MGAT4C: variants seen among roughly 807,000 people sequenced by gnomAD.
MGAT4C encodes MGAT4 family member C, also known as alpha-1,3-mannosyl-glycoprotein 4-beta-N-acetylglucosaminyltransferase C.
In MGAT4C, 19 loss-of-function variants were observed where a neutral mutation model predicts 40.1. The ratio of observed to expected loss-of-function variants is 0.47; its 90% CI spans 0.33 to 0.70. MGAT4C has a LOEUF of 0.70. Ranked by LOEUF, MGAT4C falls within the 30% of genes least tolerant of loss-of-function variation. MGAT4C has a pLI of 0.02. For missense variants in MGAT4C, 491 were observed against 563.2 expected (o/e 0.87, Z 1.30); for synonymous variants, 181 against 187.1 (o/e 0.97, Z 0.27).
At chr12:86,347,348 T>C (rs1955059727) in intron 3 of MGAT4C, among the ~76,000 whole-genome samples, 2 of 152,104 alleles carry the variant, frequency 1.3e-5, no homozygotes, top group South Asian at 2.1e-4. Flanking sequence ...AAAAAACACA[T>C]GGCATATTTT....
rs1565821764 is a variant in MGAT4C, at chr12:85,989,455, A to G, written c.92T>C (p.Val31Ala). The G allele has an allele frequency of 1.2e-6, 2 of 1,607,864 alleles. No individual in the cohort carries two copies. The highest frequency in any genetic ancestry group is 1.7e-4 in the Middle Eastern group (1 of 6,042). Reference protein sequence around the residue: ...RKRSTVSFLGVLVIFLLFMNL... With the variant: ...RKRSTVSFLGALVIFLLFMNL... ...CATAAAAAGGAGAAAAATGACAAGA[A>G]CTCCCAAGAATGACACTGTAGAACG... Residue 31 changes from valine (V) to alanine (A), a missense_variant, in exon 3 of 5, where the codon GTT becomes GCT. Val to Ala is a moderately conservative substitution (Grantham distance 64, BLOSUM62 0). Coordinates refer to ENST00000611864, the MANE Select transcript of MGAT4C (RefSeq NM_001351288.2).
At chr12:86,192,188 C>T (rs1889590361) in intron 1 of MGAT4C, among the ~76,000 whole-genome samples, 2 of 151,650 alleles carry the variant, frequency 1.3e-5, no homozygotes, top group Non-Finnish European at 2.9e-5. Context: ...CACATGTATA[C>T]ATATGTAACA....
chr12:86,479,585 C>A (rs1957899772), intron 2 of MGAT4C, among the ~76,000 whole-genome samples: 1 of 151,746 alleles, frequency 6.6e-6, no homozygotes, highest in Non-Finnish European at 1.5e-5. Context: ...ATACCTTGGG[C>A]AGTAACAACT....
At chr12:86,160,403 G>A (rs767638370) in intron 1 of MGAT4C, among the ~76,000 whole-genome samples, 1 of 151,932 alleles carries the variant, frequency 6.6e-6, no homozygotes. Flanking sequence ...AATAGGTATT[G>A]ATTTCTATTT....
intron 4 of MGAT4C, among the ~76,000 whole-genome samples, chr12:86,320,201 C>T (rs1954346231): frequency 6.6e-6 from 1 of 151,992 alleles, no homozygotes; most frequent in South Asian, 2.1e-4. Context: ...ATAATCCTGT[C>T]TGAGAAAAAA....
At chr12:86,049,078 G>A (rs920567792) in intron 2 of MGAT4C, among the ~76,000 whole-genome samples, 8 of 152,036 alleles carry the variant, frequency 5.3e-5, no homozygotes, top group Non-Finnish European at 1.2e-4. Context: ...TGTAAAGTCT[G>A]ATAAGAAATG....
At chr12:86,354,313 G>A (rs1955254744) in intron 3 of MGAT4C, among the ~76,000 whole-genome samples, 1 of 152,116 alleles carries the variant, frequency 6.6e-6, no homozygotes, top group South Asian at 2.1e-4. Context: ...GTATTATACA[G>A]TAATATTTTA....
rs1308194133 is a variant in MGAT4C, at chr12:86,012,778, A to AACAACAACC, written c.-6-23227_-6-23226insGGTTGTTGT. On this transcript the variant is annotated intron_variant, in intron 2 of 4. Transcript: ENST00000611864. ...AAACAACAACAACAACAACAACAACAACCACCACCACCACCACCACCACCA... is the reference window on the plus strand; with the variant it reads ...AAACAACAACAACAACAACAACAACAACAACAACCACCACCACCACCACCACCACCACCA... Among the ~76,000 whole-genome samples, 188 of 136,436 alleles carry AACAACAACC rather than the reference A, an allele frequency of 1.4e-3. 2 individuals are homozygous for AACAACAACC. The highest frequency in any genetic ancestry group is 8.2e-3 in the East Asian group (33 of 4,048). 89.5% of individuals were successfully genotyped at this position (136,436 alleles called of 152,430 possible).
intron 2 of MGAT4C, among the ~76,000 whole-genome samples, chr12:86,688,080 C>A (rs370988000): frequency 6.6e-6 from 1 of 150,890 alleles, no homozygotes; most frequent in Non-Finnish European, 1.5e-5. Context: ...CCCTTTACCA[C>A]TATGTAATGC....
At chr12:86,431,917 T>C (rs1957046920) in intron 3 of MGAT4C, among the ~76,000 whole-genome samples, 1 of 151,932 alleles carries the variant, frequency 6.6e-6, no homozygotes, top group African/African-American at 2.4e-5. Flanking sequence ...TAAGTAATTA[T>C]AGAAATAAAG....
At chr12:86,591,381 T>C (rs1406613800) in intron 2 of MGAT4C, among the ~76,000 whole-genome samples, 1 of 152,006 alleles carries the variant, frequency 6.6e-6, no homozygotes, top group East Asian at 1.9e-4. Context: ...TTAAAATTTA[T>C]GGCAATTATG....
At chr12:86,066,220 A>C (rs1413289331) in intron 1 of MGAT4C, among the ~76,000 whole-genome samples, 1 of 152,162 alleles carries the variant, frequency 6.6e-6, no homozygotes, top group East Asian at 1.9e-4. Context: ...TTTAAATTTC[A>C]TATGGAACCA....
chr12:86,180,516 G>A (rs934677561), intron 1 of MGAT4C, among the ~76,000 whole-genome samples: 1 of 152,144 alleles, frequency 6.6e-6, no homozygotes, highest in Non-Finnish European at 1.5e-5. Context: ...CAGCCAGGAG[G>A]GAGGCTGTAC....
At chr12:86,724,261 G>A (rs1396216040) in intron 2 of MGAT4C, among the ~76,000 whole-genome samples, 4 of 152,126 alleles carry the variant, frequency 2.6e-5, no homozygotes, top group African/African-American at 9.7e-5. Context: ...ACTTCAGGAT[G>A]CATACACCTA....
intron 4 of MGAT4C, among the ~76,000 whole-genome samples, chr12:86,315,509 T>C (rs1954188245): frequency 6.6e-6 from 1 of 151,382 alleles, no homozygotes; most frequent in Admixed American, 6.6e-5. Flanking sequence ...GAGATCATCC[T>C]GGCTAACACG....
At chr12:86,454,664 A>G (rs1957482258) in intron 2 of MGAT4C, among the ~76,000 whole-genome samples, 1 of 152,214 alleles carries the variant, frequency 6.6e-6, no homozygotes, top group African/African-American at 2.4e-5. Context: ...TGAAATTAAT[A>G]AAATATTTAT....
In MGAT4C at chr12:86,624,689, CA is replaced by C. The variant is rs1410907853; in HGVS notation, c.-229+102519del. ...AAGGGAGGAATCTTTAGTTTCCCCACATAGAGGTGCCACATTATATTATTTT... is the reference window on the plus strand; with the variant it reads ...AAGGGAGGAATCTTTAGTTTCCCCACTAGAGGTGCCACATTATATTATTTT... On this transcript the variant is annotated intron_variant, in intron 2 of 7. Coordinates refer to the MGAT4C transcript ENST00000548651. Among the ~76,000 whole-genome samples, 7 of 152,084 alleles carry C rather than the reference CA, an allele frequency of 4.6e-5. No homozygotes were observed. The East Asian group carries it at 1.4e-3, about 30-fold the overall frequency.
At chr12:86,183,571 A>C (rs567093973) in intron 1 of MGAT4C, among the ~76,000 whole-genome samples, 1 of 152,198 alleles carries the variant, frequency 6.6e-6, no homozygotes, top group Non-Finnish European at 1.5e-5. Flanking sequence ...TCAGGCTACC[A>C]TAACAAGAAC....
At chr12:86,550,852 C>A (rs534268984) in intron 2 of MGAT4C, among the ~76,000 whole-genome samples, 2 of 152,304 alleles carry the variant, frequency 1.3e-5, no homozygotes, top group South Asian at 2.1e-4. Flanking sequence ...TAAATACATG[C>A]CCACGCCTGG....
Sources: allele counts gnomAD v4.1 joint callset (sites outside exome capture counted in the v4.1 genomes callset), GRCh38; gene constraint gnomAD v4.1.1; transcripts MANE v1.5; gene names NCBI Gene and HGNC (gene_info 2026-07-23, HGNC 2026-07-21).